Variants in KIAA1217 observed in about 807,000 individuals in gnomAD.
KIAA1217 encodes the protein sickle tail protein homolog.
A neutral mutation model predicts 163.9 loss-of-function variants in KIAA1217; 88 were observed. The ratio of observed to expected loss-of-function variants is 0.54; its 90% confidence interval spans 0.45 to 0.64. The LOEUF (loss-of-function observed/expected upper bound fraction) is 0.64, where lower values mean the gene tolerates loss of function less well. KIAA1217 is among the 30% of genes least tolerant of loss of function. The pLI is 0.00. For synonymous variants in KIAA1217, 903 were observed against 923.1 expected, an observed-to-expected ratio of 0.98 and a Z score of 0.39; for missense variants, 2,372 against 2,475.0, an observed-to-expected ratio of 0.96 and a Z score of 0.88.
intron 4 of KIAA1217, among the ~76,000 whole-genome samples, chr10:24,434,028 T>TC (rs2059818926): frequency 3.0e-5 from 1 of 33,468 alleles, no homozygotes; most frequent in African/African-American, 2.4e-4. Flanking sequence ...TCTCTCTCTT[T>TC]TTTTTTTTTT....
intron 1 of KIAA1217, among the ~76,000 whole-genome samples, chr10:23,824,658 A>AAAAAAAAAATAT (rs1837805755): frequency 1.9e-5 from 1 of 53,042 alleles, no homozygotes; most frequent in Non-Finnish European, 3.6e-5. Context: ...AAATAAAAAA[A>AAAAAAAAAATAT]ATATATATAT....
intron 1 of KIAA1217, among the ~76,000 whole-genome samples, chr10:24,218,158 C>T (rs1440204278): frequency 1.3e-5 from 2 of 152,150 alleles, no homozygotes; most frequent in Non-Finnish European, 2.9e-5. Context: ...TTTACTTTTT[C>T]TCCCTAATCT....
intron 3 of KIAA1217, 84 bp downstream of exon 3, chr10:24,381,151 C>T (rs1276538247): frequency 9.9e-7 from 1 of 1,012,492 alleles, no homozygotes; most frequent in Admixed American, 3.2e-5. Flanking sequence ...CTCTTTCATT[C>T]AACATTAATT....
intron 1 of KIAA1217, among the ~76,000 whole-genome samples, chr10:23,839,864 CAGAT>C (rs1588922187): frequency 6.6e-6 from 1 of 152,132 alleles, no homozygotes; most frequent in East Asian, 1.9e-4. Flanking sequence ...CCACCCCAAT[CAGAT>C]AGTTTTTATT....
At chr10:23,803,239 G>A (rs1320445353) in intron 1 of KIAA1217, among the ~76,000 whole-genome samples, 3 of 152,326 alleles carry the variant, frequency 2.0e-5, no homozygotes, top group Admixed American at 2.0e-4. Context: ...ATCTCTTGTA[G>A]TGACACTCTG....
intron 17 of KIAA1217, among the ~76,000 whole-genome samples, chr10:24,537,449 C>T (rs1050084800): frequency 2.0e-5 from 3 of 151,900 alleles, no homozygotes; most frequent in African/African-American, 7.3e-5. Flanking sequence ...TGGAGGTGGA[C>T]ACCTCTATTC....
At chr10:23,704,150 G>A (rs10687279) in intron 1 of KIAA1217, among the ~76,000 whole-genome samples, 4,695 of 57,102 alleles carry the variant, frequency 0.082, 418 homozygotes, top group African/African-American at 0.33. Flanking sequence ...GTGTGTATGT[G>A]TGTGTGTGTG....
At chr10:24,400,617 A>G (rs1282221355) in intron 3 of KIAA1217, among the ~76,000 whole-genome samples, 5 of 152,238 alleles carry the variant, frequency 3.3e-5, no homozygotes, top group Non-Finnish European at 5.9e-5. Context: ...ATATTTGTGA[A>G]CAATACTAGA....
intron 2 of KIAA1217, among the ~76,000 whole-genome samples, chr10:24,105,058 AGATGATGATGAT>A (rs71869676): frequency 0.018 from 2,728 of 151,120 alleles, 87 homozygotes; most frequent in African/African-American, 0.063. Context: ...TCCCACTGCA[AGATGATGATGAT>A]GATGATGATG....
At chr10:24,386,172 A>G (rs1195123842) in intron 3 of KIAA1217, among the ~76,000 whole-genome samples, 2 of 152,230 alleles carry the variant, frequency 1.3e-5, no homozygotes, top group Non-Finnish European at 2.9e-5. Flanking sequence ...CAGCCAGAGG[A>G]GTTCCCATTT....
At chr10:24,159,362 T>A (rs1180685640) in intron 2 of KIAA1217, among the ~76,000 whole-genome samples, 1 of 152,164 alleles carries the variant, frequency 6.6e-6, no homozygotes, top group Non-Finnish European at 1.5e-5. Flanking sequence ...GAATATAAAA[T>A]GGGACACTTT....
chr10:24,023,218 A>G (rs1370512586), intron 2 of KIAA1217, among the ~76,000 whole-genome samples: 1 of 151,804 alleles, frequency 6.6e-6, no homozygotes, highest in Non-Finnish European at 1.5e-5. Context: ...AATCAAGCTG[A>G]AAGTTAACTT....
At chr10:24,446,075 A>G (rs2060908171) in intron 5 of KIAA1217, among the ~76,000 whole-genome samples, 1 of 152,212 alleles carries the variant, frequency 6.6e-6, no homozygotes, top group Non-Finnish European at 1.5e-5. Context: ...TCGCCATTCT[A>G]ACTGGCGTGA....
chr10:23,785,606 G>A (rs1335830), intron 1 of KIAA1217, among the ~76,000 whole-genome samples: 33,059 of 151,906 alleles, frequency 0.22, 3,794 homozygotes, highest in Middle Eastern at 0.28. Flanking sequence ...ACTCCCCTCT[G>A]CCACTTGTTT....
intron 5 of KIAA1217, among the ~76,000 whole-genome samples, chr10:24,470,195 C>G (rs116278019): frequency 2.3e-4 from 35 of 152,326 alleles, no homozygotes; most frequent in African/African-American, 8.2e-4. Flanking sequence ...CTGAGCCATA[C>G]TTTGCTTTTT....
rs145251709 is a variant in KIAA1217 at position 23,695,928 on chromosome 10, G to A, written c.-321+694G>A. ...TCGCGGAGGGCGACAGCGCCCGGGAGCAGGGTGACCCCCACAGCGGCCGGC... is the reference window on the plus strand; with the variant it reads ...TCGCGGAGGGCGACAGCGCCCGGGAACAGGGTGACCCCCACAGCGGCCGGC... On this transcript the variant is annotated intron_variant, in intron 1 of 18. Transcript: ENST00000376462. The surrounding 1 kb of genome is among the most constrained non-coding windows in gnomAD (Gnocchi z 4.9). 9.7e-3 allele frequency among the ~76,000 whole-genome samples: 1,484 copies of A among 152,316 alleles called. 23 individuals are homozygous for A. Among genetic ancestry groups the A allele is most frequent in the African/African-American group, 0.034 (1,409 of 41,578 alleles).
chr10:24,216,837 A>T (rs1326371472), intron 1 of KIAA1217, among the ~76,000 whole-genome samples: 1 of 150,178 alleles, frequency 6.7e-6, no homozygotes, highest in Non-Finnish European at 1.5e-5. Context: ...CAAAAAAAAA[A>T]AAAAAAAGGT....
intron 2 of KIAA1217, among the ~76,000 whole-genome samples, chr10:24,154,576 A>G (rs552645771): frequency 6.6e-6 from 1 of 152,246 alleles, no homozygotes; most frequent in East Asian, 1.9e-4. Context: ...TCATAGAGAT[A>G]GAAAGTAGAG....
At position 24,233,782 on chromosome 10, in the gene KIAA1217, T is replaced by G. The variant is rs978475988; in HGVS notation, c.354+13873T>G. On this transcript the variant is annotated intron_variant, in intron 2 of 20. Transcript: ENST00000376454. ...CACATACATACGCACACATATATAT[T>G]GGGTTTGTTGATTGTATTATTCATT... 2.6e-5 allele frequency among the ~76,000 whole-genome samples: 4 copies of G among 152,218 alleles called. No individual in the cohort carries two copies. In the East Asian group the frequency reaches 7.7e-4, roughly 29 times the overall value.
Sources: gnomAD v4.1 joint callset for allele counts (sites outside exome capture counted in the v4.1 genomes callset) on GRCh38, gnomAD v4.1.1 for gene constraint, Gnocchi (gnomAD v3.1) non-coding constraint, MANE v1.5 for transcripts, NCBI Gene and HGNC (gene_info 2026-07-23, HGNC 2026-07-21) for gene names.